STPG2: variants seen among roughly 807,000 people sequenced by gnomAD.
STPG2 encodes sperm tail PG-rich repeat containing 2.
Under a neutral mutation model 54.2 loss-of-function variants are expected in STPG2, and 56 were observed. The observed-to-expected ratio is 1.03, with a 90% CI of 0.83 to 1.29. The LOEUF is 1.29. STPG2 is among the 50% of genes most tolerant of loss of function. The pLI, the probability that STPG2 is intolerant of heterozygous loss-of-function variation, is 0.00. For missense variants in STPG2, 596 were observed against 544.9 expected (o/e 1.09, Z -0.93); for synonymous variants, 200 against 181.8 (o/e 1.10, Z -0.81).
chr4:97,631,551 A>T (rs988904917), intron 10 of STPG2, among the ~76,000 whole-genome samples: 4 of 152,234 alleles, frequency 2.6e-5, no homozygotes, highest in South Asian at 2.1e-4. Context: ...GGTTAGTTGA[A>T]AGTAAAACAG....
intron 9 of STPG2, among the ~76,000 whole-genome samples, chr4:97,774,212 A>C (rs1006443574): frequency 1.1e-4 from 17 of 152,116 alleles, no homozygotes; most frequent in African/African-American, 3.9e-4. Flanking sequence ...TTATTCTTGG[A>C]GTAACTTCAG....
At chr4:97,675,696 C>T (rs750412002) in intron 10 of STPG2, among the ~76,000 whole-genome samples, 14 of 151,368 alleles carry the variant, frequency 9.2e-5, no homozygotes, top group East Asian at 7.8e-4. Flanking sequence ...TGTGTGTGCG[C>T]GCGCGTGCTT....
Position 97,577,958 on chromosome 4 carries a change from T to C in STPG2, c.1321-18841A>G, listed in dbSNP as rs866976240. Among the ~76,000 whole-genome samples, 3 of 152,174 alleles carry C rather than the reference T, an allele frequency of 2.0e-5. 1 individual carries two copies. The highest frequency in any genetic ancestry group is 4.4e-5 in the Non-Finnish European group (3 of 68,024). Reference sequence around the variant, plus strand: ...TAAAGGTCCTCAAAAAATAAAGTTATTATCTTTGCAGACATATATCCATTT... The same window carrying C: ...TAAAGGTCCTCAAAAAATAAAGTTACTATCTTTGCAGACATATATCCATTT... On this transcript the variant is annotated intron_variant, in intron 10 of 10. Transcript: ENST00000295268.
At chr4:97,851,500 C>A (rs866129123) in intron 8 of STPG2, among the ~76,000 whole-genome samples, 1 of 152,170 alleles carries the variant, frequency 6.6e-6, no homozygotes, top group Non-Finnish European at 1.5e-5. Flanking sequence ...CTTTATTTAG[C>A]AAAGCCTAAA....
At chr4:97,503,182 C>G (rs183017865) in intron 4 of STPG2, among the ~76,000 whole-genome samples, 1 of 151,760 alleles carries the variant, frequency 6.6e-6, no homozygotes, top group Non-Finnish European at 1.5e-5. Context: ...TACTGGCTCA[C>G]GGACCAATTA....
intron 8 of STPG2, among the ~76,000 whole-genome samples, chr4:97,905,370 A>G (rs894331072): frequency 1.3e-5 from 2 of 152,140 alleles, no homozygotes; most frequent in Non-Finnish European, 2.9e-5. Context: ...TTCATAAGTG[A>G]AGGAGAAATA....
At chr4:97,831,710 T>A (rs1728469620) in intron 9 of STPG2, among the ~76,000 whole-genome samples, 1 of 152,062 alleles carries the variant, frequency 6.6e-6, no homozygotes, top group African/African-American at 2.4e-5. Flanking sequence ...CCCACAAAAA[T>A]ACAAACTACC....
rs938321255 is a variant in STPG2 at position 98,120,550 on chromosome 4, T to C, written c.387+7878A>G. On this transcript the variant is annotated intron_variant, in intron 3 of 10. Coordinates refer to ENST00000295268, the MANE Select transcript of STPG2 (RefSeq NM_174952.3). ...ACCAACAGTGTAAAGGCATTCCTATTTCTCTGCAACCTTGCCAGCATCTGT... is the reference window on the plus strand; with the variant it reads ...ACCAACAGTGTAAAGGCATTCCTATCTCTCTGCAACCTTGCCAGCATCTGT... Among the ~76,000 whole-genome samples the C allele has an allele frequency of 5.9e-5, 9 of 152,348 alleles. No homozygotes were observed. The East Asian group carries it at 1.7e-3, about 29-fold the overall frequency.
intron 9 of STPG2, among the ~76,000 whole-genome samples, chr4:97,737,118 T>C (rs912980344): frequency 3.9e-5 from 6 of 152,154 alleles, no homozygotes; most frequent in African/African-American, 1.4e-4. Flanking sequence ...AGTGGACCTC[T>C]AGCAAACTCC....
chr4:97,752,825 T>A (rs561803272), intron 9 of STPG2, among the ~76,000 whole-genome samples: 4 of 151,944 alleles, frequency 2.6e-5, no homozygotes, highest in African/African-American at 9.6e-5. Context: ...AGATTCTACA[T>A]CCTTCATAAA....
chr4:97,666,213 T>C (rs543371564), intron 10 of STPG2, among the ~76,000 whole-genome samples: 3 of 152,308 alleles, frequency 2.0e-5, no homozygotes, highest in South Asian at 2.1e-4. Context: ...AGCTTCCACC[T>C]GTTCCTGGCT....
intron 4 of STPG2, among the ~76,000 whole-genome samples, chr4:97,462,643 T>A (rs952316947): frequency 2.0e-5 from 3 of 151,670 alleles, no homozygotes; most frequent in Non-Finnish European, 2.9e-5. Context: ...TTTTTGGTAT[T>A]TTTTTTTATA....
At chr4:97,616,540 A>T (rs969263250) in intron 10 of STPG2, among the ~76,000 whole-genome samples, 7 of 152,078 alleles carry the variant, frequency 4.6e-5, no homozygotes, top group Admixed American at 3.9e-4. Context: ...GGAGACTAGG[A>T]TATCACTTTT....
chr4:97,563,542 T>A (rs890036699), intron 10 of STPG2, among the ~76,000 whole-genome samples: 1 of 152,222 alleles, frequency 6.6e-6, no homozygotes, highest in African/African-American at 2.4e-5. Flanking sequence ...GGTTGTCAAT[T>A]TTGGATCTTT....
At chr4:97,953,870 G>A (rs906849969) in intron 7 of STPG2, among the ~76,000 whole-genome samples, 2 of 152,116 alleles carry the variant, frequency 1.3e-5, no homozygotes, top group Middle Eastern at 3.2e-3. Context: ...TTCCTGCATT[G>A]CTTCTCAGAA....
chr4:98,143,001 G>T, intron 1 of STPG2, 41 bp downstream of exon 1: 1 of 1,539,352 alleles, frequency 6.5e-7, no homozygotes, highest in Non-Finnish European at 8.9e-7. Context: ...GCTGAAGATA[G>T]GATGCCTGTC....
chr4:97,453,992 C>T (rs185460424), intron 4 of STPG2, among the ~76,000 whole-genome samples: 33 of 152,148 alleles, frequency 2.2e-4, no homozygotes, highest in African/African-American at 7.2e-4. Flanking sequence ...GCCATTCTCC[C>T]TATACTCTTC....
intron 9 of STPG2, among the ~76,000 whole-genome samples, chr4:97,750,572 C>T (rs1325719350): frequency 6.6e-6 from 1 of 151,512 alleles, no homozygotes; most frequent in African/African-American, 2.4e-5. Context: ...GGAGAGATTT[C>T]CAAGAAGGAC....
At chr4:97,813,677 TAAAAA>T (rs869298230) in intron 9 of STPG2, among the ~76,000 whole-genome samples, 85 of 45,898 alleles carry the variant, frequency 1.9e-3, no homozygotes, top group Middle Eastern at 0.025. Context: ...CCCTGTCTCT[TAAAAA>T]AAAAAAAAAA....
Sources: allele counts gnomAD v4.1 joint callset (sites outside exome capture counted in the v4.1 genomes callset), GRCh38; gene constraint gnomAD v4.1.1; transcripts MANE v1.5; gene names NCBI Gene and HGNC (gene_info 2026-07-23, HGNC 2026-07-21).